The following PMFBP1 variants were observed in gnomAD, a reference collection of about 807,000 sequenced individuals.
PMFBP1 encodes polyamine modulated factor 1 binding protein 1.
A neutral mutation model predicts 137.8 loss-of-function variants in PMFBP1; 131 were observed. The ratio of observed to expected loss-of-function variants is 0.95; its 90% confidence interval spans 0.82 to 1.10. PMFBP1 has a LOEUF of 1.10. PMFBP1 is among the 50% of genes least tolerant of loss of function. The pLI is 0.00. For missense variants in PMFBP1, 1,199 were observed against 1,175.4 expected, an observed-to-expected ratio of 1.02 and a Z score of -0.29; for synonymous variants, 490 against 450.4, an observed-to-expected ratio of 1.09 and a Z score of -1.11.
chr16:72,193,207 T>C, the PMFBP1 span, among the ~76,000 whole-genome samples: 32 of 151,728 alleles, frequency 2.1e-4, 2 homozygotes, highest in East Asian at 9.7e-4. Context: ...GGCAACAGAG[T>C]GAGATTCTGT....
intron 13 of PMFBP1, 89 bp from the exon 14 acceptor site, chr16:72,128,883 G>C (rs935265150): frequency 1.3e-6 from 2 of 1,562,794 alleles, no homozygotes; most frequent in African/African-American, 2.7e-5. Flanking sequence ...CTCTCACCCA[G>C]CTCTATCTCC....
At chr16:72,185,235 G>A in the PMFBP1 span, among the ~76,000 whole-genome samples, 4 of 151,978 alleles carry the variant, frequency 2.6e-5, no homozygotes, top group Admixed American at 1.3e-4. Context: ...TGTTGCCTAG[G>A]CTGGTTTTGA....
At position 72,130,691 on chromosome 16, in the gene PMFBP1, A is replaced by G. The variant is rs773735184; in HGVS notation, c.1479T>C (p.Ala493=). Residue 493 remains alanine, a synonymous_variant, in exon 11 of 21, where the codon GCT becomes GCC. Transcript: ENST00000237353. Reference sequence around the variant, plus strand: ...CCTCCAGGTGACAGCCTGCCAGTGCAGCCTCTTCTTTGCACTGGGCTGCTT... The same window carrying G: ...CCTCCAGGTGACAGCCTGCCAGTGCGGCCTCTTCTTTGCACTGGGCTGCTT... ...AQQAAQCKEE[A]ALAGCHLEDT... 6.2e-7 allele frequency: 1 copy of G among 1,613,484 alleles called. No homozygotes were observed. The highest frequency in any genetic ancestry group is 8.5e-7 in the Non-Finnish European group (1 of 1,179,962).
At chr16:72,142,319 G>A (rs2042735929) in intron 5 of PMFBP1, among the ~76,000 whole-genome samples, 1 of 152,142 alleles carries the variant, frequency 6.6e-6, no homozygotes, top group Admixed American at 6.6e-5. Flanking sequence ...AACTAATTTA[G>A]AAGGAATAGG....
Position 72,171,188 on chromosome 16 carries a change from G to A in PMFBP1, c.12+9C>T, listed in dbSNP as rs764681964. 5.0e-6 allele frequency: 8 copies of A among 1,613,754 alleles called. No individual in the cohort carries two copies. In the South Asian group the frequency reaches 7.7e-5, roughly 16 times the overall value. On this transcript the variant is annotated intron_variant, in intron 2 of 20. Coordinates refer to ENST00000237353, the MANE Select transcript of PMFBP1 (RefSeq NM_031293.3). ...AACTCCATGCATGTAGAGGAGTTAG[G>A]AGCCTTACCTCATCTTTCATTTCCT...
chr16:72,161,121 G>T, intron 3 of PMFBP1, among the ~76,000 whole-genome samples: 2 of 134,448 alleles, frequency 1.5e-5, no homozygotes, highest in African/African-American at 2.7e-5. Context: ...TTTTTGAGAT[G>T]GAATCTCACT....
chr16:72,139,429 G>A, intron 6 of PMFBP1, 30 bp from the exon 7 acceptor site: 3 of 1,481,404 alleles, frequency 2.0e-6, no homozygotes, highest in Non-Finnish European at 2.8e-6. Flanking sequence ...AGTTATGCTG[G>A]ATGATCAATG....
At chr16:72,245,179 T>G in the PMFBP1 span, among the ~76,000 whole-genome samples, 1 of 151,790 alleles carries the variant, frequency 6.6e-6, no homozygotes, top group South Asian at 2.1e-4. Context: ...CCTCATTTTA[T>G]AGACAGAAAA....
chr16:72,171,066 T>G, intron 2 of PMFBP1, 131 bp downstream of exon 2: 1 of 1,057,998 alleles, frequency 9.5e-7, no homozygotes, highest in South Asian at 1.4e-5. Context: ...TTAAACACGA[T>G]GCTCTGCTGC....
chr16:72,126,098 TG>T lies in PMFBP1; in HGVS notation c.2122del (p.Gln708ArgfsTer38). ...ALQKESLMSL[Q>X]AQLDKALQKE... is the part of the protein sequence containing the mutation. ...CTGCAGAGCTTTGTCCAGCTGGGCC[TG>T]CAGGCTCATTAAGGACTCCTTCTGA... On this transcript the variant is annotated frameshift_variant, in exon 15 of 21. Coordinates refer to ENST00000237353, the MANE Select transcript of PMFBP1 (RefSeq NM_031293.3). LOFTEE classifies it high-confidence loss of function. The T allele has an allele frequency of 6.2e-7, 1 of 1,614,192 alleles. No individual in the cohort carries two copies. The highest frequency in any genetic ancestry group is 8.5e-7 in the Non-Finnish European group (1 of 1,180,022).
At chr16:72,154,649 CAGTA>C (rs2042955435) in intron 3 of PMFBP1, among the ~76,000 whole-genome samples, 190 bp from the exon 4 acceptor site, 1 of 151,994 alleles carries the variant, frequency 6.6e-6, no homozygotes, top group South Asian at 2.1e-4. Context: ...TATTCCCACT[CAGTA>C]AGAAGAATTC....
the PMFBP1 span, among the ~76,000 whole-genome samples, chr16:72,207,761 C>A: frequency 7.0e-6 from 1 of 143,460 alleles, no homozygotes; most frequent in African/African-American, 2.7e-5. Flanking sequence ...TATACACACA[C>A]ATATACATAT....
chr16:72,146,462 C>A (rs1262664283), intron 5 of PMFBP1, among the ~76,000 whole-genome samples: 1 of 152,136 alleles, frequency 6.6e-6, no homozygotes. Flanking sequence ...TGAAACCCAG[C>A]ACAAGACAAG....
upstream of PMFBP1, among the ~76,000 whole-genome samples, chr16:72,176,294 C>A (rs1173543550): frequency 6.6e-6 from 1 of 152,144 alleles, no homozygotes; most frequent in East Asian, 1.9e-4. Flanking sequence ...ACTCACTGTC[C>A]TAGGTGAAAA....
intron 9 of PMFBP1, among the ~76,000 whole-genome samples, chr16:72,135,345 T>TTGTG (rs200488023): frequency 1.9e-5 from 2 of 103,718 alleles, no homozygotes; most frequent in African/African-American, 2.9e-5. Context: ...CTGGCTAATT[T>TTGTG]TGTGTGTGTG....
chr16:72,151,560 A>G (rs2042903698), intron 4 of PMFBP1, among the ~76,000 whole-genome samples: 1 of 152,244 alleles, frequency 6.6e-6, no homozygotes, highest in Non-Finnish European at 1.5e-5. Flanking sequence ...AGTTAACAGC[A>G]GAAGAGTCAT....
intron 2 of PMFBP1, among the ~76,000 whole-genome samples, chr16:72,165,281 T>C (rs1029016470): frequency 2.0e-5 from 3 of 152,204 alleles, no homozygotes; most frequent in African/African-American, 4.8e-5. Context: ...AGATGTCAAA[T>C]GAACTTGTCA....
At position 72,157,208 on chromosome 16, in the gene PMFBP1, AAAAC is replaced by A. The variant is rs371798860; in HGVS notation, c.166-2753_166-2750del. Among the ~76,000 whole-genome samples, 9 of 119,588 alleles carry A rather than the reference AAAAC, an allele frequency of 7.5e-5. 1 individual carries two copies. The highest frequency in any genetic ancestry group is 1.0e-4 in the Non-Finnish European group (5 of 49,400). 78.5% of individuals were successfully genotyped at this position (119,588 alleles called of 152,430 possible). On this transcript the variant is annotated intron_variant, in intron 3 of 20. Coordinates refer to ENST00000237353, the MANE Select transcript of PMFBP1 (RefSeq NM_031293.3). ...CAAAAAAAAAAAAAAAAAAAAAAAAAAAACCAGACAAAATCCCGACTTTGTGGAG... is the reference window on the plus strand; with the variant it reads ...CAAAAAAAAAAAAAAAAAAAAAAAAACAGACAAAATCCCGACTTTGTGGAG...
chr16:72,128,389 T>A (rs546368519), intron 14 of PMFBP1: 1 of 1,402,238 alleles, frequency 7.1e-7, no homozygotes, highest in East Asian at 2.9e-5. Flanking sequence ...TGGTCTAAAA[T>A]GTAACATTGG....
Sources: gnomAD v4.1 joint callset for allele counts (sites outside exome capture counted in the v4.1 genomes callset) on GRCh38, gnomAD v4.1.1 for gene constraint, MANE v1.5 for transcripts, NCBI Gene and HGNC (gene_info 2026-07-23, HGNC 2026-07-21) for gene names.